Variants in BRINP3 observed in about 807,000 individuals in gnomAD.
BRINP3 encodes the protein BMP/retinoic acid-inducible neural-specific protein 3.
A neutral mutation model predicts 71.0 loss-of-function variants in BRINP3; 19 were observed. That is an observed-to-expected ratio of 0.27 (90% CI 0.19 to 0.39). BRINP3 has a LOEUF of 0.39. BRINP3 is among the 10% of genes least tolerant of loss of function. The pLI, the probability that BRINP3 is intolerant of heterozygous loss-of-function variation, is 1.00. For synonymous variants in BRINP3, 380 were observed against 337.7 expected (o/e 1.13, Z -1.37); for missense variants, 959 against 940.8 (o/e 1.02, Z -0.25).
chr1:190,177,904 T>C (rs549022059), intron 6 of BRINP3, among the ~76,000 whole-genome samples: 26 of 152,350 alleles, frequency 1.7e-4, no homozygotes, highest in Non-Finnish European at 3.1e-4. Context: ...ACTGTACATG[T>C]ACAAACTTTT....
intron 2 of BRINP3, among the ~76,000 whole-genome samples, chr1:190,338,269 C>T (rs1387713880): frequency 6.6e-6 from 1 of 151,950 alleles, no homozygotes; most frequent in Non-Finnish European, 1.5e-5. Context: ...AAGCCTAGCT[C>T]TAGAGGTAAT....
chr1:190,454,734 G>T lies in BRINP3; in HGVS notation c.157C>A (p.Pro53Thr). 1.2e-6 allele frequency: 2 copies of T among 1,614,110 alleles called. No homozygotes were observed. The highest frequency in any genetic ancestry group is 1.7e-5 in the Admixed American group (1 of 60,002). ...PFDWLLSDKG[P>T]FHRSQEYTDF... ...GTGTATTCCTGTGAGCGATGGAAGG[G>T]TCCCTTATCAGAGAGGAGCCAGTCG... The change falls in exon 2 of 8, where the codon CCC (proline) becomes ACC (threonine). Residue 53 changes from proline to threonine, a missense_variant. By Grantham distance (38) the Pro-to-Thr change is conservative (BLOSUM62 -1). Transcript: ENST00000367462.
chr1:190,380,688 T>C (rs1670490993), intron 2 of BRINP3, among the ~76,000 whole-genome samples: 1 of 152,260 alleles, frequency 6.6e-6, no homozygotes, highest in South Asian at 2.1e-4. Flanking sequence ...ATTGTATTAA[T>C]ATATGAGTAA....
At chr1:190,410,125 C>T (rs1672568889) in intron 2 of BRINP3, among the ~76,000 whole-genome samples, 1 of 151,574 alleles carries the variant, frequency 6.6e-6, no homozygotes, top group Non-Finnish European at 1.5e-5. Context: ...TCAGAGAGAA[C>T]AGATTAAAGA....
In BRINP3 at chr1:190,317,857, C is replaced by T. The variant is rs533442374; in HGVS notation, c.237-36107G>A. Among the ~76,000 whole-genome samples the T allele has an allele frequency of 2.8e-4, 42 of 152,116 alleles. 1 individual carries two copies. The South Asian group carries it at 7.0e-3, about 26-fold the overall frequency. On this transcript the variant is annotated intron_variant, in intron 2 of 7. Transcript: ENST00000367462. ...TAGAATTGTTCATCCATGTTATGCA[C>T]TCTAGCTGCAATTGATTGATCTCTA...
intron 2 of BRINP3, among the ~76,000 whole-genome samples, chr1:190,426,176 G>A (rs1040194298): frequency 7.2e-5 from 11 of 151,778 alleles, no homozygotes; most frequent in East Asian, 1.9e-4. Context: ...GTATAATTTC[G>A]AGGATTGTTT....
At chr1:190,439,943 G>C (rs1375978179) in intron 2 of BRINP3, among the ~76,000 whole-genome samples, 1 of 151,726 alleles carries the variant, frequency 6.6e-6, no homozygotes, top group Non-Finnish European at 1.5e-5. Flanking sequence ...TAGTGCATTA[G>C]TTTTCACAGA....
At chr1:190,423,158 G>GAGAC (rs1422583292) in intron 2 of BRINP3, among the ~76,000 whole-genome samples, 16 of 151,740 alleles carry the variant, frequency 1.1e-4, no homozygotes, top group African/African-American at 3.6e-4. Context: ...GGAGGCATTC[G>GAGAC]AGACATGTAT....
chr1:190,431,412 G>T (rs1280755481), intron 2 of BRINP3, among the ~76,000 whole-genome samples: 1 of 152,134 alleles, frequency 6.6e-6, no homozygotes, highest in Admixed American at 6.6e-5. Flanking sequence ...AGGCCGGAGT[G>T]CAGTGGCACA....
At chr1:190,401,189 A>T (rs1671896155) in intron 2 of BRINP3, among the ~76,000 whole-genome samples, 1 of 151,786 alleles carries the variant, frequency 6.6e-6, no homozygotes, top group Non-Finnish European at 1.5e-5. Context: ...GAAACCCCGT[A>T]TTTACCAAAA....
chr1:190,441,386 T>C (rs796466995), intron 2 of BRINP3, among the ~76,000 whole-genome samples: 3 of 152,190 alleles, frequency 2.0e-5, no homozygotes, highest in Admixed American at 6.5e-5. Flanking sequence ...CTCACATCTG[T>C]CCAAGTCAGG....
intron 5 of BRINP3, among the ~76,000 whole-genome samples, chr1:190,229,645 AAC>A (rs71794093): frequency 0.05 from 6,658 of 133,406 alleles, 232 homozygotes; most frequent in African/African-American, 0.1. Flanking sequence ...AACAAAACAA[AAC>A]ACACACACAC....
At chr1:190,159,909 G>T (rs1169528697) in intron 7 of BRINP3, among the ~76,000 whole-genome samples, 2 of 151,848 alleles carry the variant, frequency 1.3e-5, no homozygotes, top group African/African-American at 2.4e-5. Flanking sequence ...TCCAGCAAAA[G>T]AAATCTATAA....
At chr1:190,430,052 G>T (rs1232099644) in intron 2 of BRINP3, among the ~76,000 whole-genome samples, 3 of 152,070 alleles carry the variant, frequency 2.0e-5, no homozygotes, top group Non-Finnish European at 4.4e-5. Context: ...ACATTTGAAG[G>T]TTAGGACACG....
intron 7 of BRINP3, among the ~76,000 whole-genome samples, chr1:190,138,986 G>A (rs935132087): frequency 1.6e-4 from 24 of 152,092 alleles, no homozygotes; most frequent in Non-Finnish European, 2.8e-4. Flanking sequence ...ATCAACCCAA[G>A]AAAGGAGAGA....
chr1:190,160,909 C>A lies in BRINP3; in HGVS notation c.962-19G>T. 1.3e-6 allele frequency: 2 copies of A among 1,535,516 alleles called. No individual in the cohort carries two copies. Among genetic ancestry groups the A allele is most frequent in the Non-Finnish European group, 1.8e-6 (2 of 1,122,560 alleles). Reference sequence around the variant, plus strand: ...AATTCATCTGAAAAATGTCAAAATTCAACACTTTAATTATGAAACAATTAT... The same window carrying A: ...AATTCATCTGAAAAATGTCAAAATTAAACACTTTAATTATGAAACAATTAT... On this transcript the variant is annotated intron_variant, in intron 6 of 7. Coordinates refer to ENST00000367462, the MANE Select transcript of BRINP3 (RefSeq NM_199051.3).
At chr1:190,159,022 T>A (rs1281642296) in intron 7 of BRINP3, among the ~76,000 whole-genome samples, 2 of 151,918 alleles carry the variant, frequency 1.3e-5, no homozygotes, top group African/African-American at 4.8e-5. Flanking sequence ...CAATGCCCAC[T>A]TTCAAAAAAA....
At chr1:190,438,368 T>C (rs1260537540) in intron 2 of BRINP3, among the ~76,000 whole-genome samples, 2 of 151,742 alleles carry the variant, frequency 1.3e-5, no homozygotes, top group Non-Finnish European at 3.0e-5. Flanking sequence ...CTATCAACAG[T>C]TTTTCTCTCT....
chr1:190,425,971 T>G (rs1166383435), intron 2 of BRINP3, among the ~76,000 whole-genome samples: 1 of 151,782 alleles, frequency 6.6e-6, no homozygotes, highest in Non-Finnish European at 1.5e-5. Context: ...CAGCAAAAAT[T>G]TAAATGCATT....
Sources: gnomAD v4.1 joint callset for allele counts (sites outside exome capture counted in the v4.1 genomes callset) on GRCh38, gnomAD v4.1.1 for gene constraint, MANE v1.5 for transcripts, NCBI Gene and HGNC (gene_info 2026-07-23, HGNC 2026-07-21) for gene names.